Variants in MBNL1 observed in about 807,000 individuals in gnomAD.
MBNL1 encodes muscleblind-like protein 1.
MBNL1 carries 8 observed loss-of-function variants against 42.2 expected under a neutral mutation model. That is an observed-to-expected ratio of 0.19 (90% CI 0.11 to 0.34). The LOEUF is 0.34. Among genes scored for constraint, MBNL1 ranks in the 10% least tolerant of loss-of-function variants. The pLI, the probability that MBNL1 is intolerant of heterozygous loss-of-function variation, is 1.00. For missense variants in MBNL1, 309 were observed against 495.3 expected (o/e 0.62, Z 3.57); for synonymous variants, 169 against 173.9 (o/e 0.97, Z 0.22).
intron 1 of MBNL1, among the ~76,000 whole-genome samples, chr3:152,273,355 A>C (rs961312663): frequency 6.7e-5 from 10 of 150,074 alleles, no homozygotes; most frequent in African/African-American, 2.2e-4. Flanking sequence ...CATTACAGAT[A>C]CATCCTTGAG....
chr3:152,409,645 A>G (rs2098519505), intron 2 of MBNL1, among the ~76,000 whole-genome samples: 1 of 152,214 alleles, frequency 6.6e-6, no homozygotes, highest in Non-Finnish European at 1.5e-5. Context: ...TAGCTTGAAC[A>G]GTCTTACCAG....
chr3:152,366,303 G>A (rs182622539), intron 2 of MBNL1, among the ~76,000 whole-genome samples: 1 of 152,152 alleles, frequency 6.6e-6, no homozygotes, highest in African/African-American at 2.4e-5. Flanking sequence ...TGTGATTTCA[G>A]GACATAATTC....
intron 9 of MBNL1, among the ~76,000 whole-genome samples, chr3:152,461,387 G>C (rs1745541216): frequency 6.6e-6 from 1 of 152,234 alleles, no homozygotes; most frequent in South Asian, 2.1e-4. Flanking sequence ...GCATTACTTT[G>C]CAGTGTTGTA....
At chr3:152,367,449 T>C (rs1005145418) in intron 2 of MBNL1, among the ~76,000 whole-genome samples, 30 of 152,242 alleles carry the variant, frequency 2.0e-4, no homozygotes, top group Non-Finnish European at 4.1e-4. Flanking sequence ...TTGGATCGGT[T>C]CCAAGTCTTT....
intron 2 of MBNL1, among the ~76,000 whole-genome samples, chr3:152,314,833 A>G (rs1248537451): frequency 1.3e-5 from 2 of 152,228 alleles, no homozygotes; most frequent in East Asian, 1.9e-4. Context: ...CAGAAATAAT[A>G]CAGCCTAGTC....
At chr3:152,329,356 A>G (rs2082543107) in intron 2 of MBNL1, among the ~76,000 whole-genome samples, 1 of 152,252 alleles carries the variant, frequency 6.6e-6, no homozygotes, top group Admixed American at 6.5e-5. Flanking sequence ...TCAGACAGCA[A>G]TGTCAAATGC....
intron 3 of MBNL1, among the ~76,000 whole-genome samples, chr3:152,423,119 AC>A (rs2098833869): frequency 6.6e-6 from 1 of 152,338 alleles, no homozygotes; most frequent in African/African-American, 2.4e-5. Flanking sequence ...GGATAGAGAT[AC>A]AAAAAACCCT....
rs939450459 is a variant in MBNL1, at chr3:152,445,650, GAT to G, written c.807+114_807+115del. On this transcript the variant is annotated intron_variant, in intron 5 of 9. Coordinates refer to ENST00000324210, the MANE Select transcript of MBNL1 (RefSeq NM_021038.5). ...TAACCTTTTTAAAAAAATTGCTGAA[GAT>G]ATGTTTGTTCAGGTATCCCAGACAA... 8 of 1,198,974 alleles carry G rather than the reference GAT, an allele frequency of 6.7e-6. No homozygotes were observed. In the African/African-American group the frequency reaches 1.2e-4, roughly 18 times the overall value. 74.3% of individuals were successfully genotyped at this position (1,198,974 alleles called of 1,614,324 possible).
intron 2 of MBNL1, among the ~76,000 whole-genome samples, chr3:152,407,218 T>TTTC (rs1431989269): frequency 6.8e-6 from 1 of 147,208 alleles, no homozygotes; most frequent in East Asian, 1.9e-4. Context: ...TCTTTTTTTT[T>TTTC]TTTTTTTTTT....
At chr3:152,345,315 G>A (rs1161187574) in intron 2 of MBNL1, among the ~76,000 whole-genome samples, 4 of 151,886 alleles carry the variant, frequency 2.6e-5, no homozygotes, top group Non-Finnish European at 5.9e-5. Flanking sequence ...AGTTTAATCT[G>A]CTTTATTTTA....
At chr3:152,270,672 G>A (rs1402030175) in intron 1 of MBNL1, among the ~76,000 whole-genome samples, 1 of 152,202 alleles carries the variant, frequency 6.6e-6, no homozygotes, top group Non-Finnish European at 1.5e-5. Flanking sequence ...TTTGTAGCCT[G>A]AGAATGCACA....
chr3:152,389,600 G>T (rs2097591282), intron 2 of MBNL1, among the ~76,000 whole-genome samples: 2 of 152,132 alleles, frequency 1.3e-5, no homozygotes, highest in Non-Finnish European at 2.9e-5. Flanking sequence ...AAGGGCAATT[G>T]TATCTCAGTG....
chr3:152,353,843 T>G (rs1195535419), intron 2 of MBNL1, among the ~76,000 whole-genome samples: 1 of 152,146 alleles, frequency 6.6e-6, no homozygotes, highest in Non-Finnish European at 1.5e-5. Flanking sequence ...ACCTGGCCTG[T>G]GCTACATGGA....
chr3:152,278,543 G>A (rs2046587459), intron 1 of MBNL1, among the ~76,000 whole-genome samples: 1 of 152,098 alleles, frequency 6.6e-6, no homozygotes. Flanking sequence ...GACCACATTT[G>A]CTGAAAATTG....
intron 2 of MBNL1, among the ~76,000 whole-genome samples, chr3:152,320,221 T>A (rs2075598067): frequency 1.3e-5 from 2 of 152,218 alleles, no homozygotes; most frequent in Non-Finnish European, 1.5e-5. Flanking sequence ...TTAGAGAATT[T>A]CTTTTTGTGT....
chr3:152,260,984 G>C (rs1250987473), intron 2 of MBNL1, among the ~76,000 whole-genome samples: 2 of 152,106 alleles, frequency 1.3e-5, no homozygotes, highest in African/African-American at 4.8e-5. Flanking sequence ...AGATAATTCT[G>C]TTTCTATTGA....
At chr3:152,415,152 C>T in intron 3 of MBNL1, 41 bp downstream of exon 3, 1 of 1,520,926 alleles carries the variant, frequency 6.6e-7, no homozygotes, top group Non-Finnish European at 8.8e-7. Context: ...GTTTTTGATT[C>T]AAAGTGCTCA....
At chr3:152,361,229 T>G (rs1179591711) in intron 2 of MBNL1, among the ~76,000 whole-genome samples, 2 of 152,084 alleles carry the variant, frequency 1.3e-5, no homozygotes, top group African/African-American at 4.8e-5. Flanking sequence ...CATTTGAGGC[T>G]TCTTACCCTT....
At chr3:152,376,762 C>T (rs1049044569) in intron 2 of MBNL1, among the ~76,000 whole-genome samples, 4 of 151,446 alleles carry the variant, frequency 2.6e-5, no homozygotes, top group Admixed American at 6.6e-5. Context: ...AGGGGTGCCA[C>T]GCACTCTCTC....
Sources: allele counts gnomAD v4.1 joint callset (sites outside exome capture counted in the v4.1 genomes callset), GRCh38; gene constraint gnomAD v4.1.1; transcripts MANE v1.5; gene names NCBI Gene and HGNC (gene_info 2026-07-23, HGNC 2026-07-21).